OLFML1: variants seen among roughly 807,000 people sequenced by gnomAD.
OLFML1 encodes olfactomedin like 1, also known as olfactomedin-like protein 1.
A neutral mutation model predicts 37.3 loss-of-function variants in OLFML1; 33 were observed. The ratio of observed to expected loss-of-function variants is 0.88; its 90% CI spans 0.67 to 1.18. The LOEUF (loss-of-function observed/expected upper bound fraction) is 1.18. Ranked by LOEUF, OLFML1 falls within the 50% of genes most tolerant of loss-of-function variation. The pLI is 0.00. For missense variants in OLFML1, 545 were observed against 483.7 expected, an observed-to-expected ratio of 1.13 and a Z score of -1.19; for synonymous variants, 186 against 181.3, an observed-to-expected ratio of 1.03 and a Z score of -0.21.
At chr11:7,504,579 G>T (rs773082860) in intron 2 of OLFML1, among the ~76,000 whole-genome samples, 9 of 152,184 alleles carry the variant, frequency 5.9e-5, no homozygotes, top group Non-Finnish European at 1.3e-4. Context: ...AGTCCAGGCA[G>T]GAGATGATGT....
intron 2 of OLFML1, among the ~76,000 whole-genome samples, chr11:7,494,249 G>GACATGTACAGAACCAT (rs1310754874): frequency 6.6e-6 from 1 of 152,238 alleles, no homozygotes; most frequent in African/African-American, 2.4e-5. Flanking sequence ...GTTGTAGAGA[G>GACATGTACAGAACCAT]GTGATGAAAG....
intron 2 of OLFML1, among the ~76,000 whole-genome samples, chr11:7,505,752 G>A (rs1217469684): frequency 1.3e-5 from 2 of 152,222 alleles, no homozygotes; most frequent in East Asian, 1.9e-4. Context: ...GATTGCTTGA[G>A]CTCGGGAAGT....
intron 2 of OLFML1, among the ~76,000 whole-genome samples, chr11:7,508,924 A>G (rs965854433): frequency 3.3e-5 from 5 of 152,248 alleles, no homozygotes; most frequent in Non-Finnish European, 5.9e-5. Context: ...AGTGCTCTAG[A>G]GAGTGAACAC....
intron 2 of OLFML1, among the ~76,000 whole-genome samples, chr11:7,498,686 A>G (rs1848689274): frequency 6.6e-6 from 1 of 152,156 alleles, no homozygotes; most frequent in Non-Finnish European, 1.5e-5. Flanking sequence ...TTATAACACC[A>G]TTTCAGGAAG....
chr11:7,495,793 C>T (rs544577186), intron 2 of OLFML1, among the ~76,000 whole-genome samples: 14 of 152,258 alleles, frequency 9.2e-5, no homozygotes, highest in South Asian at 4.2e-4. Flanking sequence ...CAAGCTAGGT[C>T]GACACTATTA....
intron 2 of OLFML1, among the ~76,000 whole-genome samples, chr11:7,499,026 A>C (rs984978868): frequency 2.0e-5 from 3 of 152,234 alleles, no homozygotes; most frequent in African/African-American, 7.2e-5. Context: ...TCCTTAACTC[A>C]GATTGAGTGA....
chr11:7,487,991 T>G, intron 1 of OLFML1, 136 bp from the exon 2 acceptor site: 1 of 630,540 alleles, frequency 1.6e-6, no homozygotes, highest in African/African-American at 1.8e-5. Context: ...AATTTAGGAA[T>G]TATGGGAGAT....
At chr11:7,488,771 T>C (rs1227145508) in intron 2 of OLFML1, 1 of 176,148 alleles carries the variant, frequency 5.7e-6, no homozygotes, top group Non-Finnish European at 1.2e-5. Flanking sequence ...CTACATCCAG[T>C]ACCCAGGCTG....
chr11:7,491,181 A>C (rs1848592742), intron 2 of OLFML1, among the ~76,000 whole-genome samples: 1 of 151,834 alleles, frequency 6.6e-6, no homozygotes, highest in African/African-American at 2.4e-5. Context: ...TGACTCAAAA[A>C]TGCTGTGAAT....
At chr11:7,492,576 A>G (rs1253495654) in intron 2 of OLFML1, among the ~76,000 whole-genome samples, 1 of 152,180 alleles carries the variant, frequency 6.6e-6, no homozygotes, top group Admixed American at 6.5e-5. Context: ...AATAAGATAA[A>G]ATTGTTCTAT....
At position 7,488,427 on chromosome 11, in the gene OLFML1, G is replaced by A. The variant is rs184006858; in HGVS notation, c.418+12G>A. On this transcript the variant is annotated intron_variant, in intron 2 of 2. Coordinates refer to ENST00000329293, the MANE Select transcript of OLFML1 (RefSeq NM_198474.4). ...TCTGCTGAATGCAAGTAAGAAAACT[G>A]CATCTTTTCCTAGCCCTTCTAGGGA... is the stretch of plus-strand genomic sequence containing the variant. The A allele has an allele frequency of 1.9e-6, 3 of 1,601,804 alleles. No homozygotes were observed. Among genetic ancestry groups the A allele is most frequent in the Non-Finnish European group, 2.6e-6 (3 of 1,173,592 alleles).
chr11:7,487,095 T>C (rs1848532694), intron 1 of OLFML1, among the ~76,000 whole-genome samples: 1 of 152,252 alleles, frequency 6.6e-6, no homozygotes, highest in Non-Finnish European at 1.5e-5. Flanking sequence ...GCAAATTGTC[T>C]TTCACTACCT....
chr11:7,497,035 A>C (rs2134180770), intron 2 of OLFML1, among the ~76,000 whole-genome samples: 1 of 152,292 alleles, frequency 6.6e-6, no homozygotes, highest in Non-Finnish European at 1.5e-5. Context: ...GTCTCAAAAA[A>C]ATAAATTCCC....
rs778455364 is a variant in OLFML1 at position 7,488,387 on chromosome 11, G to GA, written c.395dup (p.Ile133AspfsTer10). On this transcript the variant is annotated frameshift_variant, in exon 2 of 3. Coordinates refer to ENST00000329293, the MANE Select transcript of OLFML1 (RefSeq NM_198474.4). LOFTEE classifies it high-confidence loss of function. ...TGTTGCTCCAAGAAGCTGAAGAAGA[G>GA]AAAAAGATCCGGACTCTGCTGAATG... The GA allele has an allele frequency of 1.7e-5, 28 of 1,613,692 alleles. No individual in the cohort carries two copies. The highest frequency in any genetic ancestry group is 2.4e-5 in the Non-Finnish European group (28 of 1,179,858).
At position 7,496,703 on chromosome 11, in the gene OLFML1, G is replaced by GA. The variant is rs112519786; in HGVS notation, c.418+8298dup. Among the ~76,000 whole-genome samples, 189 of 146,826 alleles carry GA rather than the reference G, an allele frequency of 1.3e-3. 1 individual carries two copies. Among genetic ancestry groups the GA allele is most frequent in the South Asian group, 3.9e-3 (18 of 4,644 alleles). Reference sequence around the variant, plus strand: ...TCCTTTTCAGTTTGGAATATTACAGGAAAAAAAAAACACTATGCAAAAAAC... The same window carrying GA: ...TCCTTTTCAGTTTGGAATATTACAGGAAAAAAAAAAACACTATGCAAAAAAC... On this transcript the variant is annotated intron_variant, in intron 2 of 2. Transcript: ENST00000329293.
intron 2 of OLFML1, among the ~76,000 whole-genome samples, chr11:7,498,652 C>A (rs1468022477): frequency 6.6e-6 from 1 of 152,118 alleles, no homozygotes; most frequent in Non-Finnish European, 1.5e-5. Context: ...TGAATACAAT[C>A]CAGATGGTTG....
chr11:7,489,672 G>A lies in OLFML1; in HGVS notation c.418+1257G>A, dbSNP rs190329970. Among the ~76,000 whole-genome samples the A allele has an allele frequency of 3.3e-5, 5 of 152,266 alleles. No individual in the cohort carries two copies. In the East Asian group the frequency reaches 9.6e-4, roughly 29 times the overall value. ...TAATAGTGTTGGCATTAAGTGTCAT[G>A]GGACAGAGAACAGGTGGATTTGAGA... On this transcript the variant is annotated intron_variant, in intron 2 of 2. Coordinates refer to ENST00000329293, the MANE Select transcript of OLFML1 (RefSeq NM_198474.4).
intron 2 of OLFML1, among the ~76,000 whole-genome samples, chr11:7,495,510 T>C (rs1057205753): frequency 3.3e-5 from 5 of 152,198 alleles, no homozygotes; most frequent in Non-Finnish European, 5.9e-5. Context: ...AAGCCAACAA[T>C]TGAACACAGC....
At chr11:7,501,488 G>C (rs1306566830) in intron 2 of OLFML1, among the ~76,000 whole-genome samples, 4 of 152,228 alleles carry the variant, frequency 2.6e-5, no homozygotes, top group African/African-American at 7.2e-5. Context: ...TGATGGCTGA[G>C]AGACTTCTAC....
Sources: allele counts gnomAD v4.1 joint callset (sites outside exome capture counted in the v4.1 genomes callset), GRCh38; gene constraint gnomAD v4.1.1; transcripts MANE v1.5; gene names NCBI Gene and HGNC (gene_info 2026-07-23, HGNC 2026-07-21).